Variants in ITGA11 observed in about 807,000 individuals in gnomAD.
The protein encoded by ITGA11 is integrin alpha-11.
Under a neutral mutation model 141.9 loss-of-function variants are expected in ITGA11, and 97 were observed. The observed-to-expected ratio is 0.68, with a 90% CI of 0.58 to 0.81. The LOEUF (loss-of-function observed/expected upper bound fraction) is 0.81, where lower values mean the gene tolerates loss of function less well. ITGA11 is among the 30% of genes least tolerant of loss of function. The pLI is 0.00. For synonymous variants in ITGA11, 658 were observed against 624.6 expected, an observed-to-expected ratio of 1.05 and a Z score of -0.80; for missense variants, 1,387 against 1,559.2, an observed-to-expected ratio of 0.89 and a Z score of 1.86.
chr15:68,417,579 TA>T (rs534566277), intron 1 of ITGA11, among the ~76,000 whole-genome samples: 14 of 152,332 alleles, frequency 9.2e-5, no homozygotes, highest in African/African-American at 2.9e-4. Context: ...TGGCTCTGCT[TA>T]AAGCCCCCGA....
intron 7 of ITGA11, among the ~76,000 whole-genome samples, chr15:68,354,126 C>G (rs1327504042): frequency 6.6e-6 from 1 of 152,156 alleles, no homozygotes. Context: ...CGCTACCACA[C>G]TCCATTCTCC....
At chr15:68,369,435 G>C (rs1895522760) in intron 2 of ITGA11, among the ~76,000 whole-genome samples, 151 bp from the exon 3 acceptor site, 1 of 152,162 alleles carries the variant, frequency 6.6e-6, no homozygotes. Context: ...CCTCAGGCTG[G>C]GACCACTGTC....
At chr15:68,372,993 G>A (rs1272306348) in intron 2 of ITGA11, among the ~76,000 whole-genome samples, 1 of 152,128 alleles carries the variant, frequency 6.6e-6, no homozygotes, top group Non-Finnish European at 1.5e-5. Flanking sequence ...TATATTAAAT[G>A]TTAGTAATTC....
intron 1 of ITGA11, among the ~76,000 whole-genome samples, chr15:68,429,536 A>T (rs2140447910): frequency 6.6e-6 from 1 of 152,106 alleles, no homozygotes; most frequent in South Asian, 2.1e-4. Context: ...GCTCTGGGAG[A>T]GTAGATGCTC....
intron 1 of ITGA11, among the ~76,000 whole-genome samples, chr15:68,409,358 G>A (rs556701473): frequency 6.6e-5 from 10 of 152,198 alleles, no homozygotes; most frequent in African/African-American, 2.4e-4. Flanking sequence ...GTGCCCAAAA[G>A]TTGCAGATAG....
intron 2 of ITGA11, among the ~76,000 whole-genome samples, chr15:68,388,987 C>T (rs898388636): frequency 1.3e-5 from 2 of 152,162 alleles, no homozygotes; most frequent in African/African-American, 2.4e-5. Flanking sequence ...CATGGGATGG[C>T]GTCCTTTCTC....
At position 68,310,150 on chromosome 15, in the gene ITGA11, T is replaced by C. The variant is rs143918233; in HGVS notation, c.3174+844A>G. Among the ~76,000 whole-genome samples, 512 of 152,360 alleles carry C rather than the reference T, an allele frequency of 3.4e-3. 3 individuals are homozygous for C. The highest frequency in any genetic ancestry group is 0.012 in the African/African-American group (493 of 41,588). ...TCCTGATTATTCTGTCATCATCATA[T>C]CTATTTACCATTGCCCTGGAGGTCT... On this transcript the variant is annotated intron_variant, in intron 26 of 29. Coordinates refer to ENST00000315757, the MANE Select transcript of ITGA11 (RefSeq NM_001004439.2).
intron 10 of ITGA11, among the ~76,000 whole-genome samples, chr15:68,346,968 T>A (rs1007486426): frequency 6.6e-6 from 1 of 152,244 alleles, no homozygotes; most frequent in African/African-American, 2.4e-5. Flanking sequence ...ATAGTTTCTT[T>A]CATCCTACTC....
intron 10 of ITGA11, among the ~76,000 whole-genome samples, chr15:68,347,830 G>A (rs1216977006): frequency 1.3e-5 from 2 of 152,146 alleles, no homozygotes; most frequent in African/African-American, 4.8e-5. Flanking sequence ...GGATGACAGT[G>A]ACATATAACT....
At chr15:68,306,239 T>C (rs1893191438) in intron 28 of ITGA11, among the ~76,000 whole-genome samples, 2 of 146,548 alleles carry the variant, frequency 1.4e-5, no homozygotes, top group South Asian at 4.4e-4. Context: ...GAGGAATTTT[T>C]TGGGGGGTTG....
intron 10 of ITGA11, among the ~76,000 whole-genome samples, chr15:68,346,774 C>T (rs2140325337): frequency 6.6e-6 from 1 of 152,260 alleles, no homozygotes; most frequent in South Asian, 2.1e-4. Context: ...CCGGATCTTT[C>T]CCTGACCACC....
intron 7 of ITGA11, among the ~76,000 whole-genome samples, chr15:68,354,807 A>G (rs1357064802): frequency 6.6e-6 from 1 of 152,156 alleles, no homozygotes; most frequent in Non-Finnish European, 1.5e-5. Context: ...CAGATTACCG[A>G]CATCTTTATA....
At chr15:68,413,536 G>A (rs1388865416) in intron 1 of ITGA11, among the ~76,000 whole-genome samples, 1 of 152,208 alleles carries the variant, frequency 6.6e-6, no homozygotes, top group African/African-American at 2.4e-5. Context: ...GCCAGGAGAA[G>A]TTTGGACTAG....
chr15:68,348,310 A>G (rs1172010184), intron 10 of ITGA11, among the ~76,000 whole-genome samples: 1 of 152,172 alleles, frequency 6.6e-6, no homozygotes, highest in Non-Finnish European at 1.5e-5. Context: ...CACCTGCCAG[A>G]GCACAGCTGG....
intron 7 of ITGA11, among the ~76,000 whole-genome samples, chr15:68,355,702 C>T (rs1450368814): frequency 2.0e-5 from 3 of 152,122 alleles, no homozygotes; most frequent in Admixed American, 6.5e-5. Flanking sequence ...CCACCTCAGC[C>T]TCCCAAACTG....
intron 2 of ITGA11, among the ~76,000 whole-genome samples, chr15:68,397,098 A>AT (rs370877400): frequency 1 from 58 of 58 alleles, 29 homozygotes; most frequent in Non-Finnish European, 1. Flanking sequence ...ATAATATATT[A>AT]TTATTATATA....
chr15:68,389,046 C>T (rs1896055231), intron 2 of ITGA11, among the ~76,000 whole-genome samples: 1 of 151,942 alleles, frequency 6.6e-6, no homozygotes, highest in African/African-American at 2.4e-5. Flanking sequence ...CCATGCTGTC[C>T]CCTCCATCTC....
At chr15:68,400,733 T>G (rs1230482278) in intron 2 of ITGA11, among the ~76,000 whole-genome samples, 11 of 24,272 alleles carry the variant, frequency 4.5e-4, no homozygotes, top group African/African-American at 2.3e-3. Flanking sequence ...ATAATAAATA[T>G]TATATATTAT....
chr15:68,317,750 C>T (rs1324584582), intron 20 of ITGA11, among the ~76,000 whole-genome samples: 1 of 152,194 alleles, frequency 6.6e-6, no homozygotes, highest in Non-Finnish European at 1.5e-5. Context: ...TGCCTATTGT[C>T]ATCACTCGTA....
Sources: allele counts gnomAD v4.1 joint callset (sites outside exome capture counted in the v4.1 genomes callset), GRCh38; gene constraint gnomAD v4.1.1; transcripts MANE v1.5; gene names NCBI Gene and HGNC (gene_info 2026-07-23, HGNC 2026-07-21).